The following ZFHX3 variants were observed in gnomAD, a reference collection of about 807,000 sequenced individuals.
ZFHX3 encodes the protein zinc finger homeobox 3.
ZFHX3 carries 42 observed loss-of-function variants against 279.1 expected under a neutral mutation model. That is an observed-to-expected ratio of 0.15 (90% CI 0.12 to 0.19). ZFHX3 has a LOEUF of 0.19. Among genes scored for constraint, ZFHX3 ranks in the 10% least tolerant of loss-of-function variants. The pLI is 1.00. For missense variants in ZFHX3, 4,981 were observed against 4,754.0 expected, an observed-to-expected ratio of 1.05 and a Z score of -1.40; for synonymous variants, 2,293 against 1,957.8, an observed-to-expected ratio of 1.17 and a Z score of -4.52.
intron 5 of ZFHX3, among the ~76,000 whole-genome samples, chr16:73,228,641 T>C (rs930371798): frequency 5.9e-5 from 9 of 152,132 alleles, no homozygotes; most frequent in African/African-American, 2.2e-4. Context: ...CCAGCATGGG[T>C]GACAGAGGGA....
chr16:73,336,135 G>A (rs543715936), intron 3 of ZFHX3, among the ~76,000 whole-genome samples: 64 of 152,348 alleles, frequency 4.2e-4, no homozygotes, highest in African/African-American at 1.4e-3. Context: ...GCAGGCAGTG[G>A]AAGGTGGTGG....
At chr16:73,760,470 G>T (rs2053852632) in intron 1 of ZFHX3, among the ~76,000 whole-genome samples, 1 of 148,162 alleles carries the variant, frequency 6.7e-6, no homozygotes, top group African/African-American at 2.4e-5. Context: ...CCAAAAGCTG[G>T]CAGCATCATC....
chr16:72,904,030 T>A (rs553774140), intron 3 of ZFHX3, among the ~76,000 whole-genome samples: 20 of 152,292 alleles, frequency 1.3e-4, no homozygotes, highest in Admixed American at 3.3e-4. Flanking sequence ...TGGGACCAAG[T>A]CGAATATTTC....
chr16:73,448,946 A>G (rs1295833932), intron 3 of ZFHX3, among the ~76,000 whole-genome samples: 1 of 152,242 alleles, frequency 6.6e-6, no homozygotes, highest in Non-Finnish European at 1.5e-5. Context: ...AACATCCAAA[A>G]GACAAGAAAG....
chr16:73,695,779 AAGTGCCTG>A (rs1256624101), intron 1 of ZFHX3, among the ~76,000 whole-genome samples: 1 of 152,122 alleles, frequency 6.6e-6, no homozygotes, highest in Non-Finnish European at 1.5e-5. Context: ...GGTGCTCAGG[AAGTGCCTG>A]ATCCCTCTTC....
chr16:73,339,759 G>A lies in ZFHX3; in HGVS notation c.-1290-21423C>T, dbSNP rs983300136. 1.3e-5 allele frequency among the ~76,000 whole-genome samples: 2 copies of A among 152,234 alleles called. 1 individual carries two copies. The highest frequency in any genetic ancestry group is 4.1e-4 in the South Asian group (2 of 4,822). On this transcript the variant is annotated intron_variant, in intron 3 of 17. Transcript: ENST00000641206. ...TTCCAGACATGAACTGACATACAAG[G>A]GCTTAGGACTTTGGATATTCCACAA...
In ZFHX3 at chr16:73,082,549, G is replaced by A. The variant is rs540678492; in HGVS notation, c.-533+10686C>T. Among the ~76,000 whole-genome samples the A allele has an allele frequency of 6.1e-4, 93 of 152,220 alleles. 1 individual carries two copies. The highest frequency in any genetic ancestry group is 2.0e-3 in the African/African-American group (83 of 41,536). ...CTCCCAGAGTGCTGGGATTACAGAC[G>A]TGAGCCACCGTGCCCAGCCAAATGA... On this transcript the variant is annotated intron_variant, in intron 8 of 17. Coordinates refer to the ZFHX3 transcript ENST00000641206.
At chr16:72,868,553 C>T (rs2038079444) in intron 4 of ZFHX3, among the ~76,000 whole-genome samples, 1 of 152,240 alleles carries the variant, frequency 6.6e-6, no homozygotes, top group Admixed American at 6.5e-5. Context: ...TCCCCCAGAT[C>T]TCAGGGCTCC....
chr16:73,758,461 T>G (rs1380792004), intron 1 of ZFHX3, among the ~76,000 whole-genome samples: 1 of 152,202 alleles, frequency 6.6e-6, no homozygotes. Flanking sequence ...TTTAATTGTT[T>G]AGTCATTCTT....
intron 1 of ZFHX3, among the ~76,000 whole-genome samples, chr16:73,830,410 C>T (rs1048104290): frequency 4.6e-5 from 7 of 152,054 alleles, no homozygotes; most frequent in Non-Finnish European, 8.8e-5. Flanking sequence ...TGTTCCTATT[C>T]GGCCATCTTG....
intron 3 of ZFHX3, among the ~76,000 whole-genome samples, chr16:73,416,781 G>T (rs541742200): frequency 6.8e-6 from 1 of 147,080 alleles, no homozygotes; most frequent in Non-Finnish European, 1.5e-5. Flanking sequence ...GGCTGAAGCA[G>T]GAGAATGGCG....
At chr16:73,064,461 C>T (rs996376304), upstream of ZFHX3, among the ~76,000 whole-genome samples, 8 of 151,794 alleles carry the variant, frequency 5.3e-5, no homozygotes, top group African/African-American at 1.9e-4. Flanking sequence ...ATTGGCCGCT[C>T]AAATCTAGAG....
chr16:72,982,264 G>A (rs898135946), intron 1 of ZFHX3, among the ~76,000 whole-genome samples: 1 of 152,018 alleles, frequency 6.6e-6, no homozygotes, highest in Non-Finnish European at 1.5e-5. Context: ...CGATTTTACA[G>A]GTTTAAAAAA....
intron 4 of ZFHX3, among the ~76,000 whole-genome samples, chr16:72,848,533 C>G (rs1437152638): frequency 1.3e-5 from 2 of 152,102 alleles, no homozygotes; most frequent in Non-Finnish European, 2.9e-5. Flanking sequence ...TCAACAGTTC[C>G]AGGCCCTCTG....
At chr16:73,833,948 A>G (rs8051367) in intron 1 of ZFHX3, among the ~76,000 whole-genome samples, 2,745 of 151,900 alleles carry the variant, frequency 0.018, 93 homozygotes, top group African/African-American at 0.062. Flanking sequence ...AGTAAACGAC[A>G]AGGGTGGTAT....
At chr16:73,338,804 G>A (rs114880221) in intron 3 of ZFHX3, among the ~76,000 whole-genome samples, 211 of 152,290 alleles carry the variant, frequency 1.4e-3, no homozygotes, top group African/African-American at 4.8e-3. Flanking sequence ...GGGCCTGGTG[G>A]AGATGAGTGA....
intron 2 of ZFHX3, among the ~76,000 whole-genome samples, chr16:73,566,655 G>C (rs2020454337): frequency 6.6e-6 from 1 of 151,042 alleles, no homozygotes; most frequent in African/African-American, 2.4e-5. Context: ...TGAGTAGCTG[G>C]GACTATAGGT....
At chr16:73,260,193 G>T (rs955294987) in intron 4 of ZFHX3, among the ~76,000 whole-genome samples, 1 of 152,090 alleles carries the variant, frequency 6.6e-6, no homozygotes, top group African/African-American at 2.4e-5. Flanking sequence ...TAGATTCAGG[G>T]TATGCATTTT....
chr16:73,842,022 C>T (rs1342623777), intron 1 of ZFHX3, among the ~76,000 whole-genome samples: 1 of 151,424 alleles, frequency 6.6e-6, no homozygotes, highest in East Asian at 2.0e-4. Flanking sequence ...CAAGACCAGC[C>T]TGACCAACAT....
Sources: gnomAD v4.1 joint callset for allele counts (sites outside exome capture counted in the v4.1 genomes callset) on GRCh38, gnomAD v4.1.1 for gene constraint, MANE v1.5 for transcripts, NCBI Gene and HGNC (gene_info 2026-07-23, HGNC 2026-07-21) for gene names.